The following PLA2R1 variants were observed in gnomAD, a reference collection of about 807,000 sequenced individuals.
The protein encoded by PLA2R1 is phospholipase A2 receptor 1.
Under a neutral mutation model 195.9 loss-of-function variants are expected in PLA2R1, and 158 were observed. The observed-to-expected ratio is 0.81, with a 90% confidence interval of 0.71 to 0.92. PLA2R1 has a LOEUF of 0.92. PLA2R1 is among the 40% of genes least tolerant of loss of function. The pLI, the probability that PLA2R1 is intolerant of heterozygous loss-of-function variation, is 0.00. For missense variants in PLA2R1, 1,626 were observed against 1,764.6 expected (o/e 0.92, Z 1.41); for synonymous variants, 586 against 598.2 (o/e 0.98, Z 0.30).
intron 6 of PLA2R1, among the ~76,000 whole-genome samples, chr2:160,027,994 T>C (rs1009707343): frequency 6.6e-6 from 1 of 152,230 alleles, no homozygotes; most frequent in African/African-American, 2.4e-5. Context: ...ATGTTTGCTA[T>C]GCTCAGATTA....
intron 10 of PLA2R1, among the ~76,000 whole-genome samples, chr2:160,007,616 C>A (rs1294170845): frequency 6.6e-6 from 1 of 152,116 alleles, no homozygotes; most frequent in African/African-American, 2.4e-5. Flanking sequence ...ACTCCACTTA[C>A]AATAGTGCCC....
At chr2:160,060,690 C>T (rs971504859) in intron 1 of PLA2R1, among the ~76,000 whole-genome samples, 2 of 152,192 alleles carry the variant, frequency 1.3e-5, no homozygotes, top group African/African-American at 4.8e-5. Flanking sequence ...GAGAATTTGT[C>T]TCAGGCCAGT....
At position 159,987,140 on chromosome 2, in the gene PLA2R1, GT is replaced by G; in HGVS notation, c.2037+15del. On this transcript the variant is annotated intron_variant, in intron 12 of 29. Coordinates refer to ENST00000283243, the MANE Select transcript of PLA2R1 (RefSeq NM_007366.5). ...TGTTGGTCCTGTTAAGAATGTCCAT[GT>G]AACCTTGGTATCACCTTGAAGCAAC... The G allele has an allele frequency of 6.3e-7, 1 of 1,582,648 alleles. No individual in the cohort carries two copies. Among genetic ancestry groups the G allele is most frequent in the Non-Finnish European group, 8.7e-7 (1 of 1,151,416 alleles).
intron 27 of PLA2R1, among the ~76,000 whole-genome samples, chr2:159,945,413 T>G (rs1394521970): frequency 6.6e-6 from 1 of 151,940 alleles, no homozygotes; most frequent in Non-Finnish European, 1.5e-5. Context: ...GTGTTCTCAT[T>G]GTTCAATTCC....
At chr2:160,049,614 T>A (rs1695097404) in intron 1 of PLA2R1, among the ~76,000 whole-genome samples, 1 of 152,108 alleles carries the variant, frequency 6.6e-6, no homozygotes, top group Non-Finnish European at 1.5e-5. Context: ...ACACCTGTAA[T>A]CCCAGCACTT....
At chr2:160,030,639 C>T (rs914079957) in intron 4 of PLA2R1, among the ~76,000 whole-genome samples, 13 of 152,248 alleles carry the variant, frequency 8.5e-5, no homozygotes, top group East Asian at 7.7e-4. Flanking sequence ...AGCTGGCCCA[C>T]GATACTGTAA....
chr2:159,985,254 T>G (rs981928999), intron 12 of PLA2R1, among the ~76,000 whole-genome samples: 4 of 152,214 alleles, frequency 2.6e-5, no homozygotes, highest in African/African-American at 9.6e-5. Context: ...ATGAATGTAA[T>G]GTAGGATTAT....
chr2:159,976,570 CAAGAA>C lies in PLA2R1; in HGVS notation c.2437+110_2437+114del, dbSNP rs368345157. ...TGAACAAATTAGCTCTAGGTTGACA[CAAGAA>C]AAGAGAGGCTCGATTTGAGAAATGT... On this transcript the variant is annotated intron_variant, in intron 16 of 29. Transcript: ENST00000283243. 625 of 709,298 alleles carry C rather than the reference CAAGAA, an allele frequency of 8.8e-4. 1 individual carries two copies. The African/African-American group carries it at 0.01, about 11-fold the overall frequency. The allele number at this position is 709,298 out of a possible 1,614,324, so 43.9% of individuals were successfully genotyped here.
chr2:160,045,856 G>C (rs183509412), intron 1 of PLA2R1, among the ~76,000 whole-genome samples: 7 of 152,286 alleles, frequency 4.6e-5, no homozygotes, highest in African/African-American at 1.7e-4. Flanking sequence ...TGAAACACGA[G>C]AGGTGACGGA....
chr2:159,958,578 AAC>A (rs1688248413), intron 20 of PLA2R1, among the ~76,000 whole-genome samples: 1 of 152,124 alleles, frequency 6.6e-6, no homozygotes, highest in African/African-American at 2.4e-5. Context: ...CTCCTCTTTG[AAC>A]ATCACACCAG....
chr2:159,942,683 C>CA (rs1226776159), intron 28 of PLA2R1, among the ~76,000 whole-genome samples: 1 of 152,166 alleles, frequency 6.6e-6, no homozygotes, highest in African/African-American at 2.4e-5. Context: ...GGGGAATGAG[C>CA]AACAGCTTCT....
intron 20 of PLA2R1, 28 bp downstream of exon 20, chr2:159,967,511 A>C: frequency 6.2e-7 from 1 of 1,601,284 alleles, no homozygotes; most frequent in East Asian, 2.2e-5. Context: ...AAAGAGAAAC[A>C]AAGGCAACTT....
Position 159,953,948 on chromosome 2 carries a change from C to T in PLA2R1, c.3301+1251G>A, listed in dbSNP as rs137941917. The stretch of plus-strand genomic sequence containing the variant: ...TCCCGGGTTCAAGCGATTCTCATGC[C>T]TCAGCCTCCCTAGTAACTAGGACTA... On this transcript the variant is annotated intron_variant, in intron 23 of 29. Coordinates refer to ENST00000283243, the MANE Select transcript of PLA2R1 (RefSeq NM_007366.5). Among the ~76,000 whole-genome samples the T allele has an allele frequency of 3.3e-3, 501 of 152,304 alleles. 4 individuals are homozygous for T. Among genetic ancestry groups the T allele is most frequent in the African/African-American group, 0.012 (488 of 41,568 alleles).
At chr2:159,946,343 A>C in intron 27 of PLA2R1, 1 of 984,842 alleles carries the variant, frequency 1.0e-6, no homozygotes, top group Non-Finnish European at 1.2e-6. Context: ...CAATTACATA[A>C]AGAAAAGAAT....
At chr2:160,014,218 TTTTTTC>T (rs1692580661) in intron 9 of PLA2R1, among the ~76,000 whole-genome samples, 1 of 136,114 alleles carries the variant, frequency 7.3e-6, no homozygotes, top group Non-Finnish European at 1.5e-5. Flanking sequence ...AATATATGTA[TTTTTTC>T]TTTTTCTTTC....
intron 11 of PLA2R1, among the ~76,000 whole-genome samples, chr2:159,998,458 CTT>C (rs964583861): frequency 1.3e-5 from 2 of 152,114 alleles, no homozygotes; most frequent in African/African-American, 4.8e-5. Context: ...GGTAGGTACT[CTT>C]TATGCATATG....
chr2:160,053,727 G>A (rs1425792586), intron 1 of PLA2R1, among the ~76,000 whole-genome samples: 1 of 152,254 alleles, frequency 6.6e-6, no homozygotes, highest in African/African-American at 2.4e-5. Context: ...GTGTGCAGCA[G>A]GCAGCATCAA....
chr2:159,931,767 C>A (rs983994281), downstream of PLA2R1, among the ~76,000 whole-genome samples: 1 of 152,030 alleles, frequency 6.6e-6, no homozygotes, highest in Non-Finnish European at 1.5e-5. Context: ...AGATTGTGAA[C>A]AACACCTTAT....
At chr2:159,927,948 G>A (rs369623359), downstream of PLA2R1, among the ~76,000 whole-genome samples, 2 of 152,216 alleles carry the variant, frequency 1.3e-5, no homozygotes, top group East Asian at 1.9e-4. Flanking sequence ...GTAAAACTGT[G>A]CTTAAAACAG....
Sources: gnomAD v4.1 joint callset for allele counts (sites outside exome capture counted in the v4.1 genomes callset) on GRCh38, gnomAD v4.1.1 for gene constraint, MANE v1.5 for transcripts, NCBI Gene and HGNC (gene_info 2026-07-23, HGNC 2026-07-21) for gene names.